ZNF723: variants seen among roughly 807,000 people sequenced by gnomAD.
The protein encoded by ZNF723 is zinc finger protein 723, also known as zinc finger protein 723, pseudogene.
ZNF723 carries 5 observed loss-of-function variants against 9.4 expected under a neutral mutation model. The observed-to-expected ratio is 0.53, with a 90% CI of 0.28 to 1.12. ZNF723 has a LOEUF of 1.12. Among genes scored for constraint, ZNF723 ranks in the 50% most tolerant of loss-of-function variants. The pLI is 0.10. For synonymous variants in ZNF723, 158 were observed against 168.8 expected, an observed-to-expected ratio of 0.94 and a Z score of 0.49; for missense variants, 450 against 501.5, an observed-to-expected ratio of 0.90 and a Z score of 0.98.
chr19:22,824,153 C>T, the ZNF723 span, among the ~76,000 whole-genome samples: 1 of 152,148 alleles, frequency 6.6e-6, no homozygotes, highest in Non-Finnish European at 1.5e-5. Flanking sequence ...GGAATTACAA[C>T]ATATTGCTGA....
At chr19:22,820,934 G>A in the ZNF723 span, among the ~76,000 whole-genome samples, 1 of 152,168 alleles carries the variant, frequency 6.6e-6, no homozygotes, top group South Asian at 2.1e-4. Flanking sequence ...TGTTGAGGCT[G>A]TGAATCTCCC....
In ZNF723 at chr19:22,838,377, C is replaced by T. The variant is rs566053178; in HGVS notation, c.3+5995C>T. Among the ~76,000 whole-genome samples the T allele has an allele frequency of 4.6e-5, 7 of 152,106 alleles. No homozygotes were observed. The South Asian group carries it at 1.5e-3, about 32-fold the overall frequency. The stretch of plus-strand genomic sequence containing the variant: ...GACCAGCCTGACCAACATGGTGAAA[C>T]CCCGTCTCTACTAAAAACACAAAAA... On this transcript the variant is annotated intron_variant, in intron 1 of 3. Transcript: ENST00000600766.
chr19:22,824,985 C>A, the ZNF723 span, among the ~76,000 whole-genome samples: 1 of 152,144 alleles, frequency 6.6e-6, no homozygotes, highest in East Asian at 1.9e-4. Context: ...GAATATTATA[C>A]AAAGCCTTTG....
At chr19:22,822,597 G>A in the ZNF723 span, among the ~76,000 whole-genome samples, 1 of 151,984 alleles carries the variant, frequency 6.6e-6, no homozygotes, top group South Asian at 2.1e-4. Flanking sequence ...GGGCAGTGGC[G>A]CATGCCTGTA....
intron 1 of ZNF723, among the ~76,000 whole-genome samples, chr19:22,837,276 TA>T (rs35892606): frequency 0.23 from 28,590 of 124,750 alleles, 3,234 homozygotes; most frequent in African/African-American, 0.36. Context: ...GACTCTGGCT[TA>T]AAAAAAAAAA....
intron 1 of ZNF723, among the ~76,000 whole-genome samples, chr19:22,833,109 A>G (rs1302183753): frequency 2.0e-5 from 3 of 152,046 alleles, no homozygotes; most frequent in Non-Finnish European, 2.9e-5. Flanking sequence ...GAATCCAGAG[A>G]GTAGATTTCC....
chr19:22,841,555 T>C (rs1368447821), intron 1 of ZNF723, among the ~76,000 whole-genome samples: 1 of 152,230 alleles, frequency 6.6e-6, no homozygotes, highest in East Asian at 1.9e-4. Context: ...CCAGACATTA[T>C]ATAAACTCAT....
In ZNF723 at chr19:22,848,776, A is replaced by T. The variant is rs191985149; in HGVS notation, c.130+389A>T. Among the ~76,000 whole-genome samples, 1,048 of 145,534 alleles carry T rather than the reference A, an allele frequency of 7.2e-3. 9 individuals carry two copies. Among genetic ancestry groups the T allele is most frequent in the African/African-American group, 0.025 (995 of 39,584 alleles). On this transcript the variant is annotated intron_variant, in intron 2 of 3. Transcript: ENST00000600766. Reference sequence around the variant, plus strand: ...TTATTTATTTATTTATTTATTTATGAGATGGAATGTTGCTGTTGCCCAGGC... The same window carrying T: ...TTATTTATTTATTTATTTATTTATGTGATGGAATGTTGCTGTTGCCCAGGC...
chr19:22,813,526 C>T, the ZNF723 span, among the ~76,000 whole-genome samples: 1 of 152,010 alleles, frequency 6.6e-6, no homozygotes, highest in Non-Finnish European at 1.5e-5. Context: ...GGTCCCAAAC[C>T]CAGTTTATGT....
chr19:22,816,383 G>T, the ZNF723 span, among the ~76,000 whole-genome samples: 3 of 152,198 alleles, frequency 2.0e-5, no homozygotes, highest in Admixed American at 2.0e-4. Context: ...CCAAGATCCA[G>T]CATATCTATG....
intron 1 of ZNF723, among the ~76,000 whole-genome samples, chr19:22,839,466 G>GTT (rs34691832): frequency 4.0e-4 from 50 of 124,524 alleles, no homozygotes; most frequent in Non-Finnish European, 5.0e-4. Context: ...TTTTTTTTTG[G>GTT]TTTTTTTTTT....
chr19:22,827,493 G>T (rs914914573), upstream of ZNF723, among the ~76,000 whole-genome samples: 3 of 151,660 alleles, frequency 2.0e-5, no homozygotes, highest in Non-Finnish European at 2.9e-5. Context: ...TGTAGCTCAG[G>T]CTGGAGAGCA....
upstream of ZNF723, among the ~76,000 whole-genome samples, chr19:22,828,468 C>G (rs1370221818): frequency 1.3e-5 from 2 of 152,008 alleles, no homozygotes; most frequent in Non-Finnish European, 2.9e-5. Flanking sequence ...TCATGGCCAA[C>G]AAGGTGAAAC....
chr19:22,849,816 G>A (rs928703144), intron 3 of ZNF723, among the ~76,000 whole-genome samples: 1 of 152,088 alleles, frequency 6.6e-6, no homozygotes, highest in African/African-American at 2.4e-5. Context: ...GGCTGAGTCA[G>A]GAGAATCGCT....
At chr19:22,834,520 A>C (rs532943445) in intron 1 of ZNF723, among the ~76,000 whole-genome samples, 1 of 152,120 alleles carries the variant, frequency 6.6e-6, no homozygotes, top group Non-Finnish European at 1.5e-5. Context: ...CTCTCTGTGA[A>C]TAAACGAAGA....
intron 1 of ZNF723, among the ~76,000 whole-genome samples, chr19:22,837,293 A>G (rs1479753804): frequency 6.6e-6 from 1 of 150,722 alleles, no homozygotes; most frequent in African/African-American, 2.4e-5. Flanking sequence ...AAAAAAAAAG[A>G]AAGAAAGAAA....
At chr19:22,812,370 A>G in the ZNF723 span, among the ~76,000 whole-genome samples, 1 of 152,206 alleles carries the variant, frequency 6.6e-6, no homozygotes, top group Admixed American at 6.5e-5. Flanking sequence ...TCACACGTGA[A>G]TGCAGTCTAC....
In ZNF723 at chr19:22,833,347, T is replaced by G. The variant is rs141806169; in HGVS notation, c.3+965T>G. On this transcript the variant is annotated intron_variant, in intron 1 of 3. Transcript: ENST00000600766. ...TTTGTATTTTTGGTAGAGACGGGGT[T>G]TCACCATGTTGGCCAGGATGGTTTC... 3.1e-3 allele frequency among the ~76,000 whole-genome samples: 473 copies of G among 152,078 alleles called. 5 individuals carry two copies. Among genetic ancestry groups the G allele is most frequent in the Admixed American group, 0.027 (411 of 15,256 alleles).
chr19:22,826,174 A>G, the ZNF723 span, among the ~76,000 whole-genome samples: 1 of 152,308 alleles, frequency 6.6e-6, no homozygotes, highest in Non-Finnish European at 1.5e-5. Context: ...TAGGCCCAGC[A>G]TTTAGGTGAT....
Sources: allele counts gnomAD v4.1 joint callset (sites outside exome capture counted in the v4.1 genomes callset), GRCh38; gene constraint gnomAD v4.1.1; transcripts MANE v1.5; gene names NCBI Gene and HGNC (gene_info 2026-07-23, HGNC 2026-07-21).